Variants in SLC14A2 observed in about 807,000 individuals in gnomAD.
The protein encoded by SLC14A2 is urea transporter 2.
In SLC14A2, 91 loss-of-function variants were observed where a neutral mutation model predicts 104.6. The ratio of observed to expected loss-of-function variants is 0.87; its 90% CI spans 0.73 to 1.04. The LOEUF (loss-of-function observed/expected upper bound fraction) is 1.04, where lower values mean the gene tolerates loss of function less well. Among genes scored for constraint, SLC14A2 ranks in the 50% least tolerant of loss-of-function variants. The probability of loss-of-function intolerance (pLI) is 0.00; values close to 1 mark genes in which losing one functional copy is unlikely to be tolerated. For missense variants in SLC14A2, 1,189 were observed against 1,156.0 expected (o/e 1.03, Z -0.41); for synonymous variants, 476 against 466.4 (o/e 1.02, Z -0.27).
chr18:45,242,371 G>C (rs1390983107), intron 1 of SLC14A2, among the ~76,000 whole-genome samples: 3 of 152,176 alleles, frequency 2.0e-5, no homozygotes, highest in Admixed American at 2.0e-4. Context: ...TGTCACGTCA[G>C]TCAAAGGCGG....
rs2084271278 is a variant in SLC14A2 at position 45,237,816 on chromosome 18, A to T, written c.-125+24625A>T. Among the ~76,000 whole-genome samples the T allele has an allele frequency of 2.0e-5, 3 of 152,330 alleles. No homozygotes were observed. The South Asian group carries it at 6.2e-4, about 32-fold the overall frequency. On this transcript the variant is annotated intron_variant, in intron 1 of 20. Transcript: ENST00000586448. ...CAGGGGCACCTTAAGGTTTCAGCAG[A>T]GTCTGCAGGGCCCCTGGGAGTGCCT...
intron 2 of SLC14A2, among the ~76,000 whole-genome samples, chr18:45,511,315 G>A (rs2043362532): frequency 6.6e-6 from 1 of 152,106 alleles, no homozygotes; most frequent in South Asian, 2.1e-4. Flanking sequence ...ATATTTTGGG[G>A]CAGTGGATCT....
intron 2 of SLC14A2, 72 bp from the exon 3 acceptor site, chr18:45,625,611 C>A: frequency 7.7e-7 from 1 of 1,299,660 alleles, no homozygotes; most frequent in Non-Finnish European, 1.0e-6. Context: ...ACCTGCCACC[C>A]TCCTCTATCC....
the SLC14A2 span, among the ~76,000 whole-genome samples, chr18:45,199,848 T>C: frequency 6.6e-6 from 1 of 152,158 alleles, no homozygotes; most frequent in Admixed American, 6.6e-5. Context: ...CATGTGAGAA[T>C]CTTGACTTTG....
rs540458343 is a variant in SLC14A2 at position 45,287,853 on chromosome 18, C to T, written c.-125+74662C>T. 4.6e-5 allele frequency among the ~76,000 whole-genome samples: 7 copies of T among 152,106 alleles called. No individual in the cohort carries two copies. In the South Asian group the frequency reaches 1.5e-3, roughly 32 times the overall value. On this transcript the variant is annotated intron_variant, in intron 1 of 20. Coordinates refer to the SLC14A2 transcript ENST00000586448. ...GCGGCTGTGGATGAAACGTGGTCTT[C>T]CCCAGCCCCGCAGGACCTACACTAG... is the stretch of plus-strand genomic sequence containing the variant.
At chr18:45,515,191 A>C (rs561496207) in intron 2 of SLC14A2, among the ~76,000 whole-genome samples, 3 of 152,368 alleles carry the variant, frequency 2.0e-5, no homozygotes, top group Non-Finnish European at 4.4e-5. Flanking sequence ...ATGATTAAAA[A>C]TGGAAGACTT....
At chr18:45,343,316 G>A (rs1162753451) in intron 1 of SLC14A2, among the ~76,000 whole-genome samples, 1 of 152,046 alleles carries the variant, frequency 6.6e-6, no homozygotes, top group Admixed American at 6.5e-5. Context: ...GGGCTGCCTT[G>A]TGCCTGCCAG....
At chr18:45,666,813 A>G in intron 12 of SLC14A2, 122 bp from the exon 13 acceptor site, 1 of 792,514 alleles carries the variant, frequency 1.3e-6, no homozygotes, top group South Asian at 1.8e-5. Context: ...GGGAGGTTAA[A>G]CAGCAATTTA....
In SLC14A2 at chr18:45,683,435, C is replaced by T. The variant is rs1000171746; in HGVS notation, c.*916C>T. 2.6e-5 allele frequency: 4 copies of T among 152,134 alleles called. No individual in the cohort carries two copies. The highest frequency in any genetic ancestry group is 7.2e-5 in the African/African-American group (3 of 41,418). 9.4% of individuals were successfully genotyped at this position (152,134 alleles called of 1,614,324 possible). On this transcript the variant is annotated 3_prime_UTR_variant, in exon 20 of 20. Coordinates refer to ENST00000255226, the MANE Select transcript of SLC14A2 (RefSeq NM_007163.4). Reference sequence around the variant, plus strand: ...TTAAGTAAAGGACAGAAGGGTTACCCAAGAAGAGGCAGGAAAATGTTAACG... The same window carrying T: ...TTAAGTAAAGGACAGAAGGGTTACCTAAGAAGAGGCAGGAAAATGTTAACG...
intron 5 of SLC14A2, among the ~76,000 whole-genome samples, 189 bp from the exon 6 acceptor site, chr18:45,636,801 G>A (rs1007515104): frequency 2.0e-4 from 31 of 151,988 alleles, no homozygotes; most frequent in African/African-American, 7.3e-4. Flanking sequence ...AAAAGAAAAA[G>A]GTAAGAGCTG....
At chr18:45,556,412 A>T (rs1402528146) in intron 2 of SLC14A2, among the ~76,000 whole-genome samples, 1 of 152,200 alleles carries the variant, frequency 6.6e-6, no homozygotes, top group Non-Finnish European at 1.5e-5. Flanking sequence ...CCTACCCATA[A>T]GGCAAAAATT....
At chr18:45,457,714 A>G (rs2086969489) in intron 1 of SLC14A2, among the ~76,000 whole-genome samples, 1 of 150,786 alleles carries the variant, frequency 6.6e-6, no homozygotes, top group South Asian at 2.1e-4. Context: ...GGAAATCTGC[A>G]TGGCCAAGAA....
At chr18:45,370,792 TG>T (rs2085714922) in intron 1 of SLC14A2, among the ~76,000 whole-genome samples, 1 of 152,176 alleles carries the variant, frequency 6.6e-6, no homozygotes. Context: ...AGAGAGCGAC[TG>T]GAACACTGTC....
intron 1 of SLC14A2, among the ~76,000 whole-genome samples, chr18:45,390,627 A>T (rs1321880932): frequency 1.3e-5 from 2 of 152,158 alleles, no homozygotes; most frequent in Non-Finnish European, 2.9e-5. Context: ...AAGAGAGGGT[A>T]TATATAAAGT....
At chr18:45,392,231 C>G in intron 1 of SLC14A2, among the ~76,000 whole-genome samples, 1 of 152,310 alleles carries the variant, frequency 6.6e-6, no homozygotes, top group African/African-American at 2.4e-5. Context: ...CTCAGGACAG[C>G]TGCTGAGGTC....
intron 3 of SLC14A2, among the ~76,000 whole-genome samples, 193 bp from the exon 4 acceptor site, chr18:45,626,765 G>C (rs892152353): frequency 2.6e-5 from 4 of 152,096 alleles, no homozygotes; most frequent in Non-Finnish European, 5.9e-5. Flanking sequence ...AATGATTGCT[G>C]GGCTACTGAG....
chr18:45,451,068 A>C (rs1435991608), intron 1 of SLC14A2, among the ~76,000 whole-genome samples: 1 of 152,204 alleles, frequency 6.6e-6, no homozygotes, highest in African/African-American at 2.4e-5. Context: ...AATTCCTTGA[A>C]GTTTTGGCCT....
intron 2 of SLC14A2, among the ~76,000 whole-genome samples, chr18:45,588,538 G>T (rs952025541): frequency 6.6e-6 from 1 of 152,184 alleles, no homozygotes; most frequent in African/African-American, 2.4e-5. Flanking sequence ...GACATCCATC[G>T]GCCCTGTGAA....
chr18:45,478,793 A>T (rs996342989), intron 1 of SLC14A2, among the ~76,000 whole-genome samples: 1 of 152,072 alleles, frequency 6.6e-6, no homozygotes, highest in East Asian at 1.9e-4. Flanking sequence ...AAAAAAAGAG[A>T]TTGTCAGTTG....
Sources: allele counts gnomAD v4.1 joint callset (sites outside exome capture counted in the v4.1 genomes callset), GRCh38; gene constraint gnomAD v4.1.1; transcripts MANE v1.5; gene names NCBI Gene and HGNC (gene_info 2026-07-23, HGNC 2026-07-21).